MTUS1: variants seen among roughly 807,000 people sequenced by gnomAD.
The protein encoded by MTUS1 is microtubule associated scaffold protein 1, also known as microtubule-associated tumor suppressor 1.
Under a neutral mutation model 120.8 loss-of-function variants are expected in MTUS1, and 109 were observed. The ratio of observed to expected loss-of-function variants is 0.90; its 90% CI spans 0.77 to 1.06. The LOEUF is 1.06. MTUS1 is among the 50% of genes least tolerant of loss of function. The pLI is 0.00. For missense variants in MTUS1, 2,210 were observed against 1,486.3 expected (o/e 1.49, Z -8.01); for synonymous variants, 737 against 550.5 (o/e 1.34, Z -4.74).
At position 17,713,235 on chromosome 8, in the gene MTUS1, A is replaced by C. The variant is rs778721089; in HGVS notation, c.2602T>G (p.Leu868Val). ...TPPKGPSRKN[L>V]FTALNAVEKS... ...TCACCTGCATTAAGAGCTGTAAATA[A>C]ATTTTTTCTCGAAGGACCTAAGATA... The change falls in exon 6 of 15, where the codon TTA becomes GTA. Residue 868 changes from leucine to valine, a missense_variant. Leu to Val is a conservative substitution (Grantham distance 32, BLOSUM62 1). Coordinates refer to ENST00000693296, the MANE Select transcript of MTUS1 (RefSeq NM_001363059.2). The C allele has an allele frequency of 1.9e-6, 3 of 1,596,732 alleles. No individual in the cohort carries two copies. The highest frequency in any genetic ancestry group is 1.1e-5 in the South Asian group (1 of 89,516).
chr8:17,656,473 A>G (rs1331166790), intron 8 of MTUS1, among the ~76,000 whole-genome samples: 2 of 151,622 alleles, frequency 1.3e-5, no homozygotes, highest in Non-Finnish European at 2.9e-5. Context: ...GGTTGTAGTG[A>G]GCCAAGATCA....
chr8:17,697,323 T>C, intron 6 of MTUS1: 1 of 1,614,168 alleles, frequency 6.2e-7, no homozygotes, highest in Non-Finnish European at 8.5e-7. Context: ...AGCAATCCTT[T>C]GGCCGTCAGT....
At chr8:17,775,845 G>C (rs1033518459) in intron 1 of MTUS1, among the ~76,000 whole-genome samples, 1 of 152,194 alleles carries the variant, frequency 6.6e-6, no homozygotes, top group African/African-American at 2.4e-5. Flanking sequence ...AAATAAAAGT[G>C]ACAAGACACA....
At chr8:17,722,420 C>T (rs1279419354) in intron 4 of MTUS1, 2 of 985,212 alleles carry the variant, frequency 2.0e-6, no homozygotes, top group African/African-American at 3.5e-5. Context: ...GTGTGAATTA[C>T]CTTTTCAAAT....
At chr8:17,780,045 G>A (rs2050752425) in intron 1 of MTUS1, among the ~76,000 whole-genome samples, 1 of 152,166 alleles carries the variant, frequency 6.6e-6, no homozygotes, top group Non-Finnish European at 1.5e-5. Flanking sequence ...GGTGGGAGAT[G>A]ACTGGGTTAT....
intron 1 of MTUS1, among the ~76,000 whole-genome samples, chr8:17,774,971 TAAAAAA>T (rs76567642): frequency 2.1e-5 from 2 of 96,980 alleles, no homozygotes; most frequent in South Asian, 4.0e-4. Context: ...ATATTATAAG[TAAAAAA>T]AAAAAAAAAA....
At chr8:17,691,797 T>C (rs895799564) in intron 6 of MTUS1, among the ~76,000 whole-genome samples, 1 of 152,200 alleles carries the variant, frequency 6.6e-6, no homozygotes, top group Non-Finnish European at 1.5e-5. Context: ...TTACTTACTG[T>C]CACCTTAACA....
intron 8 of MTUS1, among the ~76,000 whole-genome samples, chr8:17,670,138 C>T (rs754189514): frequency 1.6e-4 from 25 of 152,122 alleles, no homozygotes; most frequent in Non-Finnish European, 2.5e-4. Context: ...TGAATCATAT[C>T]GACCCTGCCA....
intron 6 of MTUS1, chr8:17,705,528 C>T (rs1321285720): frequency 6.6e-6 from 1 of 152,194 alleles, no homozygotes; most frequent in Non-Finnish European, 1.5e-5. Flanking sequence ...ACCCCCAACA[C>T]CAATTTGAAA....
chr8:17,745,178 G>A (rs888026849), intron 2 of MTUS1, among the ~76,000 whole-genome samples: 2 of 152,146 alleles, frequency 1.3e-5, no homozygotes, highest in Admixed American at 1.3e-4. Flanking sequence ...TTAGCTACGT[G>A]AAAGGAACAA....
chr8:17,654,779 T>C, intron 9 of MTUS1, 113 bp from the exon 10 acceptor site: 1 of 712,736 alleles, frequency 1.4e-6, no homozygotes, highest in Non-Finnish European at 2.5e-6. Flanking sequence ...GCGTGGGCTC[T>C]AGTTTAAAGG....
rs548257624 is a variant in MTUS1, at chr8:17,753,906, A to C, written c.1902T>G (p.Phe634Leu). 5.0e-6 allele frequency: 8 copies of C among 1,614,134 alleles called. No individual in the cohort carries two copies. The African/African-American group carries it at 6.7e-5, about 13-fold the overall frequency. ...ACETGSVSAL[F>L]QKIKGILPVK... ...CAGGGAGTATGCCTTTGATCTTCTG[A>C]AACAACGCAGAAACGGACCCGGTCT... is the stretch of plus-strand genomic sequence containing the variant. Residue 634 changes from phenylalanine to leucine, a missense_variant, in exon 2 of 15, where the codon TTT becomes TTG. Physicochemically the swap from Phe to Leu is conservative, Grantham distance 22. Transcript: ENST00000693296.
chr8:17,687,123 TAA>T (rs1815983087), intron 6 of MTUS1, among the ~76,000 whole-genome samples: 1 of 152,166 alleles, frequency 6.6e-6, no homozygotes, highest in African/African-American at 2.4e-5. Flanking sequence ...TGTATTCGTC[TAA>T]GAGTACGTGT....
At chr8:17,735,064 G>A (rs891816151) in intron 3 of MTUS1, among the ~76,000 whole-genome samples, 3 of 152,070 alleles carry the variant, frequency 2.0e-5, no homozygotes, top group East Asian at 1.9e-4. Context: ...GACCACAGGC[G>A]GGAGCCACTG....
At chr8:17,759,451 T>C (rs933875181) in intron 1 of MTUS1, among the ~76,000 whole-genome samples, 1 of 151,338 alleles carries the variant, frequency 6.6e-6, no homozygotes, top group Non-Finnish European at 1.5e-5. Context: ...AAACTTTTTG[T>C]AGAAAAGGGG....
In MTUS1 at chr8:17,754,223, T is replaced by C. The variant is rs749532490; in HGVS notation, c.1585A>G (p.Lys529Glu). Reference sequence around the variant, plus strand: ...GTCTGCTGAGGTCTGGGCGTGACCTTTGATAAAGCAGCATCTTTGGGCTGC... The same window carrying C: ...GTCTGCTGAGGTCTGGGCGTGACCTCTGATAAAGCAGCATCTTTGGGCTGC... ...VLQPKDAALSKVTPRPQQTSA... is the reference protein window; with the variant it reads ...VLQPKDAALSEVTPRPQQTSA... Residue 529 changes from lysine (K) to glutamate (E), a missense_variant, in exon 2 of 15, where the codon AAG becomes GAG. Lys to Glu is a moderately conservative substitution (Grantham distance 56). Transcript: ENST00000693296. 2 of 1,614,176 alleles carry C rather than the reference T, an allele frequency of 1.2e-6. No individual in the cohort carries two copies. The highest frequency in any genetic ancestry group is 2.2e-5 in the South Asian group (2 of 91,078).
intron 2 of MTUS1, among the ~76,000 whole-genome samples, chr8:17,745,843 A>C (rs1220119329): frequency 6.6e-6 from 1 of 152,174 alleles, no homozygotes; most frequent in African/African-American, 2.4e-5. Context: ...CTGTGTCCCC[A>C]CCCAAATCTC....
At chr8:17,687,730 C>T (rs541012049) in intron 6 of MTUS1, among the ~76,000 whole-genome samples, 5 of 152,166 alleles carry the variant, frequency 3.3e-5, no homozygotes, top group African/African-American at 7.2e-5. Context: ...ATCAGGAAAA[C>T]GAAGGCCAGA....
chr8:17,788,793 C>T (rs915079231), intron 1 of MTUS1, among the ~76,000 whole-genome samples: 2 of 152,080 alleles, frequency 1.3e-5, no homozygotes, highest in African/African-American at 2.4e-5. Flanking sequence ...AGATGATTTT[C>T]AAAATTCCAT....
Sources: allele counts gnomAD v4.1 joint callset (sites outside exome capture counted in the v4.1 genomes callset), GRCh38; gene constraint gnomAD v4.1.1; transcripts MANE v1.5; gene names NCBI Gene and HGNC (gene_info 2026-07-23, HGNC 2026-07-21).